The following CNGB1 variants were observed in gnomAD, a reference collection of about 807,000 sequenced individuals.
CNGB1 encodes the protein cyclic nucleotide-gated channel beta-1.
In CNGB1, 126 loss-of-function variants were observed where a neutral mutation model predicts 151.7. That is an observed-to-expected ratio of 0.83 (90% confidence interval 0.72 to 0.96). The LOEUF (loss-of-function observed/expected upper bound fraction) is 0.96. Ranked by LOEUF, CNGB1 falls within the 40% of genes least tolerant of loss-of-function variation. CNGB1 has a pLI of 0.00. For synonymous variants in CNGB1, 623 were observed against 635.1 expected (o/e 0.98, Z 0.29); for missense variants, 1,698 against 1,627.0 (o/e 1.04, Z -0.75).
intron 16 of CNGB1, among the ~76,000 whole-genome samples, chr16:57,938,647 C>T (rs745944634): frequency 3.9e-5 from 6 of 152,168 alleles, no homozygotes; most frequent in African/African-American, 1.2e-4. Flanking sequence ...GTGCCTTGAC[C>T]TCTTGGCCAA....
chr16:57,902,029 C>T (rs1960406413), intron 27 of CNGB1, among the ~76,000 whole-genome samples: 1 of 152,116 alleles, frequency 6.6e-6, no homozygotes, highest in South Asian at 2.1e-4. Context: ...CTTCTATGAG[C>T]CAGGCACCTG....
chr16:57,887,900 C>T lies in CNGB1; in HGVS notation c.3417G>A (p.Leu1139=), dbSNP rs202089209. The change falls in exon 32 of 33, where the codon CTG becomes CTA. Residue 1139 remains leucine (L), a synonymous_variant. Coordinates refer to ENST00000251102, the MANE Select transcript of CNGB1 (RefSeq NM_001297.5). The part of the protein sequence containing the change: ...LAHLRARLKE[L]AALEAAAKQQ... ...GCTTTGCAGCCGCCTCCAGCGCGGC[C>T]AGTTCTTTGAGCCGGGCCCGGAGGT... 1.2e-6 allele frequency: 2 copies of T among 1,614,174 alleles called. No individual in the cohort carries two copies. Among genetic ancestry groups the T allele is most frequent in the Non-Finnish European group, 1.7e-6 (2 of 1,180,048 alleles).
intron 12 of CNGB1, among the ~76,000 whole-genome samples, chr16:57,950,760 T>C (rs1055286200): frequency 1.3e-5 from 2 of 152,202 alleles, no homozygotes; most frequent in Admixed American, 6.5e-5. Context: ...TCCATTATTT[T>C]CCCCCCTTCT....
chr16:57,934,802 C>T (rs551538276), intron 16 of CNGB1, among the ~76,000 whole-genome samples: 238 of 152,192 alleles, frequency 1.6e-3, no homozygotes, highest in Non-Finnish European at 2.5e-3. Context: ...ACTAAAAATA[C>T]AAAAATTCCC....
chr16:57,944,669 A>G (rs1961756791), intron 14 of CNGB1, among the ~76,000 whole-genome samples: 1 of 152,154 alleles, frequency 6.6e-6, no homozygotes, highest in Non-Finnish European at 1.5e-5. Context: ...TGAAAAAATA[A>G]TTAGGCTGGG....
At chr16:57,917,223 G>A (rs1313285796) in intron 21 of CNGB1, 45 bp downstream of exon 21, 1 of 1,534,602 alleles carries the variant, frequency 6.5e-7, no homozygotes, top group Non-Finnish European at 8.9e-7. Flanking sequence ...CTCTGGCTGA[G>A]CGGTCTGCCC....
chr16:57,919,231 G>A lies in CNGB1; in HGVS notation c.1825C>T (p.Pro609Ser). The part of the protein sequence containing the change: ...KPSPAKKAPE[P>S]APDTKPAEAE... ...TCAGCGGGCTTTGTGTCTGGAGCTG[G>A]CTCTGGGGCTTTCTTGGCTGGGGCT... The change falls in exon 20 of 33, where the codon CCA becomes TCA. Residue 609 changes from proline to serine, a missense_variant. Physicochemically the swap from Pro to Ser is moderately conservative, Grantham distance 74. Coordinates refer to ENST00000251102, the MANE Select transcript of CNGB1 (RefSeq NM_001297.5). 6.2e-7 allele frequency: 1 copy of A among 1,614,202 alleles called. No homozygotes were observed. Among genetic ancestry groups the A allele is most frequent in the Non-Finnish European group, 8.5e-7 (1 of 1,180,040 alleles).
chr16:57,960,972 C>T, intron 7 of CNGB1, 57 bp from the exon 8 acceptor site: 1 of 1,529,330 alleles, frequency 6.5e-7, no homozygotes, highest in South Asian at 1.1e-5. Flanking sequence ...AGCGCACTAA[C>T]AGCCCACCTC....
Position 57,953,092 on chromosome 16 carries a change from G to A in CNGB1, c.875-2552C>T, listed in dbSNP as rs56698992. On this transcript the variant is annotated intron_variant, in intron 12 of 32. Coordinates refer to ENST00000251102, the MANE Select transcript of CNGB1 (RefSeq NM_001297.5). ...CTACCCAGGTGCTCAGGAGCTATGA[G>A]TGCCCTAGTTCCCATAGAAACTGCC... 2.6e-5 allele frequency among the ~76,000 whole-genome samples: 4 copies of A among 152,256 alleles called. No homozygotes were observed. In the East Asian group the frequency reaches 7.8e-4, roughly 30 times the overall value.
At chr16:57,922,851 G>A (rs1272040856) in intron 18 of CNGB1, among the ~76,000 whole-genome samples, 1 of 150,546 alleles carries the variant, frequency 6.6e-6, no homozygotes, top group Non-Finnish European at 1.5e-5. Flanking sequence ...CAGCCAGGTA[G>A]GGCCAGGGAA....
At chr16:57,899,092 C>T (rs1178204520) in intron 29 of CNGB1, among the ~76,000 whole-genome samples, 1 of 152,078 alleles carries the variant, frequency 6.6e-6, no homozygotes, top group Non-Finnish European at 1.5e-5. Flanking sequence ...GAGAAGCCAC[C>T]CAGCTTGTGG....
At chr16:57,889,494 G>A (rs1960028102) in intron 31 of CNGB1, among the ~76,000 whole-genome samples, 1 of 152,206 alleles carries the variant, frequency 6.6e-6, no homozygotes, top group Non-Finnish European at 1.5e-5. Context: ...GACTTGAGAT[G>A]AGAGCCTGCT....
chr16:57,930,845 G>T (rs1458677602), intron 17 of CNGB1, among the ~76,000 whole-genome samples: 1 of 152,136 alleles, frequency 6.6e-6, no homozygotes, highest in Non-Finnish European at 1.5e-5. Flanking sequence ...TAGAATGGTG[G>T]CTGCCGGGGC....
At position 57,923,286 on chromosome 16, in the gene CNGB1, G is replaced by A. The variant is rs867162619; in HGVS notation, c.1630C>T (p.Pro544Ser). Reference protein sequence around the residue: ...PVVAWSDPTTPKDTDGQDRAA... With the variant: ...PVVAWSDPTTSKDTDGQDRAA... Reference sequence around the variant, plus strand: ...GAGGGGTCTCACTCAGTGTCCTTCGGGGTGGTGGGGTCAGACCAGGCAACC... The same window carrying A: ...GAGGGGTCTCACTCAGTGTCCTTCGAGGTGGTGGGGTCAGACCAGGCAACC... Residue 544 changes from proline (P) to serine (S), a missense_variant, in exon 18 of 33, where the codon CCG becomes TCG. Coordinates refer to ENST00000251102, the MANE Select transcript of CNGB1 (RefSeq NM_001297.5). 3 of 1,612,756 alleles carry A rather than the reference G, an allele frequency of 1.9e-6. No individual in the cohort carries two copies. Among genetic ancestry groups the A allele is most frequent in the Middle Eastern group, 3.5e-4 (2 of 5,680 alleles).
intron 23 of CNGB1, among the ~76,000 whole-genome samples, chr16:57,914,126 T>TA (rs1340704010): frequency 6.6e-6 from 1 of 152,244 alleles, no homozygotes; most frequent in Non-Finnish European, 1.5e-5. Context: ...ATGGCTCACT[T>TA]AAAGAGTTTT....
Position 57,904,873 on chromosome 16 carries a change from T to TA in CNGB1, c.2494dup (p.Tyr832LeufsTer20). The stretch of plus-strand genomic sequence containing the variant: ...CACAGCAAAGTAGTAACAGCGAATA[T>TA]AACTGGAGAGAGAGGAGAAAGGGAA... On this transcript the variant is annotated frameshift_variant and splice_region_variant, in exon 26 of 33. Transcript: ENST00000251102. LOFTEE classifies it high-confidence loss of function. The TA allele has an allele frequency of 6.2e-7, 1 of 1,614,068 alleles. No individual in the cohort carries two copies. The highest frequency in any genetic ancestry group is 8.5e-7 in the Non-Finnish European group (1 of 1,180,012).
chr16:57,962,427 G>A (rs1416447574), intron 7 of CNGB1, 138 bp downstream of exon 7: 1 of 807,486 alleles, frequency 1.2e-6, no homozygotes, highest in African/African-American at 1.7e-5. Flanking sequence ...TCTATGGCTG[G>A]AAACAGGCCC....
At chr16:57,967,523 C>T (rs541878503) in intron 1 of CNGB1, among the ~76,000 whole-genome samples, 9 of 152,216 alleles carry the variant, frequency 5.9e-5, no homozygotes, top group Middle Eastern at 3.4e-3. Flanking sequence ...GCGAGACCCT[C>T]GTCTCTACAA....
intron 17 of CNGB1, among the ~76,000 whole-genome samples, chr16:57,924,182 A>G (rs570952164): frequency 6.6e-6 from 1 of 152,272 alleles, no homozygotes; most frequent in Non-Finnish European, 1.5e-5. Context: ...TTATGTTGGT[A>G]TCTTAGGGGC....
Sources: gnomAD v4.1 joint callset for allele counts (sites outside exome capture counted in the v4.1 genomes callset) on GRCh38, gnomAD v4.1.1 for gene constraint, MANE v1.5 for transcripts, NCBI Gene and HGNC (gene_info 2026-07-23, HGNC 2026-07-21) for gene names.